Variants in ST6GALNAC4 observed in about 807,000 individuals in gnomAD.
The protein encoded by ST6GALNAC4 is ST6 N-acetylgalactosaminide alpha-2,6-sialyltransferase 4.
A neutral mutation model predicts 30.4 loss-of-function variants in ST6GALNAC4; 24 were observed. The ratio of observed to expected loss-of-function variants is 0.79; its 90% CI spans 0.57 to 1.11. The LOEUF is 1.11. Ranked by LOEUF, ST6GALNAC4 falls within the 50% of genes most tolerant of loss-of-function variation. The pLI is 0.00. For missense variants in ST6GALNAC4, 365 were observed against 430.1 expected, an observed-to-expected ratio of 0.85 and a Z score of 1.34; for synonymous variants, 156 against 179.7, an observed-to-expected ratio of 0.87 and a Z score of 1.05.
chr9:127,912,514 C>T lies in ST6GALNAC4; in HGVS notation c.365G>A (p.Arg122His), dbSNP rs779716077. 15 of 1,613,738 alleles carry T rather than the reference C, an allele frequency of 9.3e-6. No homozygotes were observed. The highest frequency in any genetic ancestry group is 1.6e-4 in the Middle Eastern group (1 of 6,084). Residue 122 changes from arginine to histidine, a missense_variant, in exon 4 of 6, where the codon CGT (arginine) becomes CAT (histidine). By Grantham distance (29) the Arg-to-His change is conservative. Coordinates refer to ENST00000335791, the MANE Select transcript of ST6GALNAC4 (RefSeq NM_175039.4). The stretch of plus-strand genomic sequence containing the variant: ...CGGCACGCTTGTGTGTGAGACGACA[C>T]GCAGGGTGCTGCGCTGGCCCACATC... ...EADVGQRSTL[R>H]VVSHTSVPLL...
chr9:127,914,529 G>T (rs1325429951), intron 3 of ST6GALNAC4, 127 bp downstream of exon 3: 9 of 402,868 alleles, frequency 2.2e-5, no homozygotes, highest in Non-Finnish European at 3.8e-5. Flanking sequence ...AGAACCTAGG[G>T]CTCAGAGAGG....
rs756555078 is a variant in ST6GALNAC4 at position 127,912,375 on chromosome 9, C to T, written c.504G>A (p.Thr168=). 26 of 1,614,010 alleles carry T rather than the reference C, an allele frequency of 1.6e-5. No individual in the cohort carries two copies. The highest frequency in any genetic ancestry group is 1.6e-4 in the Middle Eastern group (1 of 6,082). Residue 168 remains threonine (T), a synonymous_variant, in exon 4 of 6, where the codon ACG becomes ACA. Transcript: ENST00000335791. Reference sequence around the variant, plus strand: ...GGTACATCCTGGTGAGCTGCAGCAGCGTGCGGTAGGTGCGGCCGCCGAGCA... The same window carrying T: ...GGTACATCCTGGTGAGCTGCAGCAGTGTGCGGTAGGTGCGGCCGCCGAGCA... ...DRVLGGRTYR[T]LLQLTRMYPG...
rs1830974363 is a variant in ST6GALNAC4, at chr9:127,908,195, CT to C, written c.*196del. ...TGGAGGGGGGAGACACGGCTCCCCC[CT>C]CCACTCCCCTTCAAGTCATGAGGCC... On this transcript the variant is annotated 3_prime_UTR_variant, in exon 6 of 6. Coordinates refer to ENST00000335791, the MANE Select transcript of ST6GALNAC4 (RefSeq NM_175039.4). 1 of 262,170 alleles carries C rather than the reference CT, an allele frequency of 3.8e-6. No homozygotes were observed. The highest frequency in any genetic ancestry group is 7.0e-6 in the Non-Finnish European group (1 of 142,136). 16.2% of individuals were successfully genotyped at this position (262,170 alleles called of 1,614,324 possible).
At chr9:127,914,490 CAAAAAA>C (rs60857050) in intron 3 of ST6GALNAC4, among the ~76,000 whole-genome samples, 160 bp downstream of exon 3, 2 of 50,120 alleles carry the variant, frequency 4.0e-5, no homozygotes, top group Non-Finnish European at 6.3e-5. Flanking sequence ...GACTCCGTCT[CAAAAAA>C]AAAAAAAAAA....
Position 127,908,442 on chromosome 9 carries a change from C to A in ST6GALNAC4, c.859G>T (p.Ala287Ser). The A allele has an allele frequency of 1.2e-6, 2 of 1,600,944 alleles. No homozygotes were observed. Among genetic ancestry groups the A allele is most frequent in the South Asian group, 1.1e-5 (1 of 89,786 alleles). The change falls in exon 6 of 6, where the codon GCC becomes TCC. Residue 287 changes from alanine (A) to serine (S), a missense_variant. By Grantham distance (99) the Ala-to-Ser change is moderately conservative. Transcript: ENST00000335791. ...GCGAACACGATGGGCCTCTTCTTGGCCCAGCGGGAGAAGACCGCCTTCTCA... is the reference window on the plus strand; with the variant it reads ...GCGAACACGATGGGCCTCTTCTTGGACCAGCGGGAGAAGACCGCCTTCTCA... Reference protein sequence around the residue: ...ITEKAVFSRWAKKRPIVFAHP... With the variant: ...ITEKAVFSRWSKKRPIVFAHP...
chr9:127,908,199 A>C lies in ST6GALNAC4; in HGVS notation c.*193T>G, dbSNP rs1588672082. The C allele has an allele frequency of 2.6e-5, 6 of 230,324 alleles. No individual in the cohort carries two copies. The highest frequency in any genetic ancestry group is 4.0e-5 in the Non-Finnish European group (5 of 123,642). 14.3% of individuals were successfully genotyped at this position (230,324 alleles called of 1,614,324 possible). A position where few individuals can be genotyped will look rare whatever the true frequency, so the allele number is the denominator to read the frequency against. On this transcript the variant is annotated 3_prime_UTR_variant, in exon 6 of 6. Transcript: ENST00000335791. The stretch of plus-strand genomic sequence containing the variant: ...GGGGGGAGACACGGCTCCCCCCTCC[A>C]CTCCCCTTCAAGTCATGAGGCCTGA...
At position 127,908,475 on chromosome 9, in the gene ST6GALNAC4, AGCGGTG is replaced by A. The variant is rs1367951491; in HGVS notation, c.820_825del (p.His274_Arg275del). 6.2e-7 allele frequency: 1 copy of A among 1,610,064 alleles called. No individual in the cohort carries two copies. Among genetic ancestry groups the A allele is most frequent in the East Asian group, 2.2e-5 (1 of 44,738 alleles). On this transcript the variant is annotated inframe_deletion, in exon 6 of 6. Coordinates refer to ENST00000335791, the MANE Select transcript of ST6GALNAC4 (RefSeq NM_175039.4). ...GAGAAGACCGCCTTCTCAGTGATGA[AGCGGTG>A]GGCGCTTCGGGGCGCCTGCTCGTGT... is the stretch of plus-strand genomic sequence containing the variant.
rs151056431 is a variant in ST6GALNAC4 at position 127,915,275 on chromosome 9, G to A, written c.13-434C>T. Among the ~76,000 whole-genome samples, 660 of 152,284 alleles carry A rather than the reference G, an allele frequency of 4.3e-3. 8 individuals carry two copies. Among genetic ancestry groups the A allele is most frequent in the South Asian group, 0.03 (143 of 4,826 alleles). ...ATGCCCACCGTGTGAACTTACGGGA[G>A]GGGGGCAGTGAAAGCCTTCTGTATA... On this transcript the variant is annotated intron_variant, in intron 2 of 5. Transcript: ENST00000335791.
intron 3 of ST6GALNAC4, 100 bp downstream of exon 3, chr9:127,914,556 G>A (rs1039493096): frequency 1.3e-6 from 1 of 750,524 alleles, no homozygotes; most frequent in Non-Finnish European, 1.9e-6. Flanking sequence ...GATTGGCCAG[G>A]ATCACATGGC....
Position 127,916,219 on chromosome 9 carries a change from G to A in ST6GALNAC4, c.12+189C>T, listed in dbSNP as rs983654254. ...GATAGCAAGGTACTGACACTGCAGAGTGGATGCCACCTGCCTGGGGCCACA... is the reference window on the plus strand; with the variant it reads ...GATAGCAAGGTACTGACACTGCAGAATGGATGCCACCTGCCTGGGGCCACA... On this transcript the variant is annotated intron_variant, in intron 2 of 5. Transcript: ENST00000335791. The A allele has an allele frequency of 2.7e-5, 19 of 714,522 alleles. No individual in the cohort carries two copies. The African/African-American group carries it at 3.2e-4, about 12-fold the overall frequency. The allele number at this position is 714,522 out of a possible 1,614,324, so 44.3% of individuals were successfully genotyped here.
At position 127,914,736 on chromosome 9, in the gene ST6GALNAC4, G is replaced by A. The variant is rs531771238; in HGVS notation, c.118C>T (p.His40Tyr). The change falls in exon 3 of 6, where the codon CAC (histidine) becomes TAC (tyrosine). Residue 40 changes from histidine (H) to tyrosine (Y), a missense_variant. Physicochemically the swap from His to Tyr is moderately conservative, Grantham distance 83. Transcript: ENST00000335791. ...LPLCLATCLD[H>Y]HFPTGSRPTV... ...GGCCTGGAGCCTGTGGGGAAGTGGT[G>A]GTCCAGGCAGGTGGCCAGGCAGAGG... 621 of 1,610,102 alleles carry A rather than the reference G, an allele frequency of 3.9e-4. 8 individuals carry two copies. The South Asian group carries it at 5.8e-3, about 15-fold the overall frequency.
intron 1 of ST6GALNAC4, 35 bp from the exon 2 acceptor site, chr9:127,916,529 T>A: frequency 7.3e-7 from 1 of 1,364,504 alleles, no homozygotes; most frequent in Non-Finnish European, 1.0e-6. Context: ...CCGGGAGGGG[T>A]AAGGCAGGTG....
rs147120861 is a variant in ST6GALNAC4, at chr9:127,910,010, G to A, written c.660C>T (p.Leu220=). 47 of 1,613,356 alleles carry A rather than the reference G, an allele frequency of 2.9e-5. 1 individual carries two copies. Among genetic ancestry groups the A allele is most frequent in the South Asian group, 7.7e-5 (7 of 91,092 alleles). Residue 220 remains leucine (L), a synonymous_variant, in exon 5 of 6, where the codon CTC becomes CTT. Transcript: ENST00000335791. ...CGATCTCCTCACACAGCTCCAGCGC[G>A]AGGATCATGGTGAACCAGCCGGTGC... The part of the protein sequence containing the change: ...FLSTGWFTMI[L]ALELCEEIVV...
Position 127,914,824 on chromosome 9 carries a change from G to C in ST6GALNAC4, c.30C>G (p.Ile10Met). The change falls in exon 3 of 6, where the codon ATC becomes ATG. Residue 10 changes from isoleucine to methionine, a missense_variant. Ile to Met is a conservative substitution (Grantham distance 10). Transcript: ENST00000335791. The part of the protein sequence containing the change: MKAPGRLVL[I>M]ILCSVVFSAV... ...CAGAGAAGACCACGGAGCACAGGAT[G>C]ATGAGCACGAGCCGACCCTGAGGGA... 2.6e-6 allele frequency: 4 copies of C among 1,529,140 alleles called. No homozygotes were observed. The highest frequency in any genetic ancestry group is 3.5e-6 in the Non-Finnish European group (4 of 1,133,566). 94.7% of individuals were successfully genotyped at this position (1,529,140 alleles called of 1,614,324 possible). A position where few individuals can be genotyped will look rare whatever the true frequency, so the allele number is the denominator to read the frequency against.
chr9:127,909,817 T>A, intron 5 of ST6GALNAC4, 134 bp downstream of exon 5: 2 of 826,950 alleles, frequency 2.4e-6, no homozygotes, highest in South Asian at 3.5e-5. Context: ...GCGCAAGGGG[T>A]ATCTGTGCTA....
chr9:127,912,760 C>T (rs1171411362), intron 3 of ST6GALNAC4, 80 bp from the exon 4 acceptor site: 35 of 1,429,754 alleles, frequency 2.4e-5, no homozygotes, highest in Non-Finnish European at 2.6e-5. Context: ...CTGGAATATC[C>T]ACCAATCTTG....
chr9:127,908,316 T>G lies in ST6GALNAC4; in HGVS notation c.*76A>C. 1 of 1,378,944 alleles carries G rather than the reference T, an allele frequency of 7.3e-7. No individual in the cohort carries two copies. Among genetic ancestry groups the G allele is most frequent in the Non-Finnish European group, 9.7e-7 (1 of 1,031,694 alleles). 85.4% of individuals were successfully genotyped at this position (1,378,944 alleles called of 1,614,324 possible). A position where few individuals can be genotyped will look rare whatever the true frequency, so the allele number is the denominator to read the frequency against. On this transcript the variant is annotated 3_prime_UTR_variant, in exon 6 of 6. Transcript: ENST00000335791. ...GGCAGGATCCATAAATTAAATGTTT[T>G]TGTGGAGTGTGATGGCTTGGGATGG...
chr9:127,912,993 G>A (rs1251084610), intron 3 of ST6GALNAC4, among the ~76,000 whole-genome samples: 1 of 152,210 alleles, frequency 6.6e-6, no homozygotes, highest in African/African-American at 2.4e-5. Flanking sequence ...TGAGCAAATA[G>A]TTATAAAACA....
intron 3 of ST6GALNAC4, 44 bp from the exon 4 acceptor site, chr9:127,912,724 G>T: frequency 1.6e-5 from 24 of 1,501,000 alleles, no homozygotes; most frequent in Non-Finnish European, 2.1e-5. Flanking sequence ...GCATGAACAC[G>T]CAGCTTACAC....
Sources: gnomAD v4.1 joint callset for allele counts (sites outside exome capture counted in the v4.1 genomes callset) on GRCh38, gnomAD v4.1.1 for gene constraint, MANE v1.5 for transcripts, NCBI Gene and HGNC (gene_info 2026-07-23, HGNC 2026-07-21) for gene names.